MFAP5: variants seen among roughly 807,000 people sequenced by gnomAD.
MFAP5 encodes the protein microfibril associated protein 5, also known as microfibrillar-associated protein 5.
A neutral mutation model predicts 30.1 loss-of-function variants in MFAP5; 19 were observed. The ratio of observed to expected loss-of-function variants is 0.63; its 90% CI spans 0.44 to 0.93. The LOEUF is 0.93. Ranked by LOEUF, MFAP5 falls within the 40% of genes least tolerant of loss-of-function variation. MFAP5 has a pLI of 0.00. For synonymous variants in MFAP5, 92 were observed against 72.9 expected, an observed-to-expected ratio of 1.26 and a Z score of -1.33; for missense variants, 210 against 221.3, an observed-to-expected ratio of 0.95 and a Z score of 0.32.
intron 6 of MFAP5, 173 bp from the exon 7 acceptor site, chr12:8,651,864 C>T (rs770107344): frequency 3.3e-6 from 2 of 611,660 alleles, no homozygotes; most frequent in Non-Finnish European, 5.8e-6. Context: ...ATTTGCTCCA[C>T]AAAATTGAAG....
chr12:8,662,156 A>G lies in MFAP5; in HGVS notation c.-2-50T>C, dbSNP rs375462666. 51 of 1,520,466 alleles carry G rather than the reference A, an allele frequency of 3.4e-5. 1 individual carries two copies. Among genetic ancestry groups the G allele is most frequent in the Non-Finnish European group, 3.7e-5 (41 of 1,103,994 alleles). The allele number at this position is 1,520,466 out of a possible 1,614,324, so 94.2% of individuals were successfully genotyped here. On this transcript the variant is annotated intron_variant, in intron 1 of 9. Coordinates refer to ENST00000359478, the MANE Select transcript of MFAP5 (RefSeq NM_003480.4). ...AGAATGTGATGCTCAGAGGCACATC[A>G]GCATTTCAGTGCCAGGGAAAGATGC... is the stretch of plus-strand genomic sequence containing the variant.
rs35916052 is a variant in MFAP5, at chr12:8,657,566, C to CTT, written c.95-1738_95-1737dup. The stretch of plus-strand genomic sequence containing the variant: ...AGCAAATTCACATAGTTTGCTTTGA[C>CTT]TTTTTTTTTTTTTTTTTTTTTGAGA... On this transcript the variant is annotated intron_variant, in intron 3 of 9. Transcript: ENST00000359478. Among the ~76,000 whole-genome samples, 139 of 128,116 alleles carry CTT rather than the reference C, an allele frequency of 1.1e-3. 1 individual carries two copies. Among genetic ancestry groups the CTT allele is most frequent in the African/African-American group, 2.2e-3 (73 of 32,716 alleles). 84.0% of individuals were successfully genotyped at this position (128,116 alleles called of 152,430 possible).
intron 5 of MFAP5, 144 bp from the exon 6 acceptor site, chr12:8,654,625 T>G: frequency 3.0e-6 from 2 of 664,108 alleles, no homozygotes; most frequent in Non-Finnish European, 4.9e-6. Flanking sequence ...ATAGAATTAA[T>G]TAAATAATTA....
chr12:8,653,192 CAAAAAAA>C (rs71451973), intron 6 of MFAP5, among the ~76,000 whole-genome samples: 33 of 111,016 alleles, frequency 3.0e-4, no homozygotes, highest in African/African-American at 6.4e-4. Flanking sequence ...GACTCTGTGT[CAAAAAAA>C]AAAAAAAAGA....
At chr12:8,656,059 C>CTTT (rs11359613) in intron 3 of MFAP5, among the ~76,000 whole-genome samples, 1,498 of 113,832 alleles carry the variant, frequency 0.013, 33 homozygotes, top group African/African-American at 0.037. Flanking sequence ...ATTCATAATT[C>CTTT]TTTTTTTTTT....
chr12:8,650,628 T>G, intron 7 of MFAP5, 39 bp from the exon 8 acceptor site: 1 of 1,542,402 alleles, frequency 6.5e-7, no homozygotes, highest in Non-Finnish European at 9.0e-7. Context: ...GAGGTCCAAA[T>G]AGAAGCAGCA....
rs1464656353 is a variant in MFAP5 at position 8,655,413 on chromosome 12, AC to A, written c.172+1del. 3.4e-5 allele frequency: 54 copies of A among 1,598,792 alleles called. No individual in the cohort carries two copies. Among genetic ancestry groups the A allele is most frequent in the Non-Finnish European group, 4.5e-5 (53 of 1,173,728 alleles). ...TTTTTTTTTAACTGCGGTAAAATTT[AC>A]CTGTTTCATCTGTAGCGGGATCATT... On this transcript the variant is annotated splice_donor_variant, in intron 5 of 9. Coordinates refer to ENST00000359478, the MANE Select transcript of MFAP5 (RefSeq NM_003480.4). LOFTEE classifies it high-confidence loss of function.
At chr12:8,655,893 CAG>C in intron 3 of MFAP5, 63 bp from the exon 4 acceptor site, 1 of 1,459,748 alleles carries the variant, frequency 6.9e-7, no homozygotes, top group South Asian at 1.1e-5. Context: ...CTTGCACTTC[CAG>C]TAAGTTAAAT....
In MFAP5 at chr12:8,654,456, T is replaced by C; in HGVS notation, c.198A>G (p.Ala66=). The part of the protein sequence containing the change: ...ETVLAVLADI[A]PSTDDLASLS... ...ACTCACCCAAGTCATCTGTGGAAGG[T>C]GCAATATCAGCCAAAACAGCCAAAA... The change falls in exon 6 of 10, where the codon GCA becomes GCG. Residue 66 remains alanine (A), a synonymous_variant. Coordinates refer to ENST00000359478, the MANE Select transcript of MFAP5 (RefSeq NM_003480.4). The C allele has an allele frequency of 1.2e-6, 2 of 1,603,524 alleles. No homozygotes were observed. The highest frequency in any genetic ancestry group is 1.1e-5 in the South Asian group (1 of 88,670).
chr12:8,657,710 C>CT (rs59840167), intron 3 of MFAP5, among the ~76,000 whole-genome samples: 16,476 of 151,116 alleles, frequency 0.11, 1,067 homozygotes, highest in African/African-American at 0.18. Flanking sequence ...GTGGCTGGGA[C>CT]ACAGGCATGT....
At chr12:8,655,650 G>A (rs1310799842) in intron 4 of MFAP5, 136 bp downstream of exon 4, 2 of 1,077,288 alleles carry the variant, frequency 1.9e-6, no homozygotes, top group African/African-American at 3.2e-5. Flanking sequence ...GGCATCTAAG[G>A]TGACAACAGA....
At chr12:8,662,306 C>T (rs1942176648) in intron 1 of MFAP5, 200 bp from the exon 2 acceptor site, 6 of 569,674 alleles carry the variant, frequency 1.1e-5, no homozygotes, top group Non-Finnish European at 1.5e-5. Flanking sequence ...ATTCCTTGGT[C>T]ACTTACCATT....
intron 5 of MFAP5, among the ~76,000 whole-genome samples, chr12:8,654,991 C>T (rs949580719): frequency 1.3e-5 from 2 of 150,838 alleles, no homozygotes; most frequent in African/African-American, 4.9e-5. Context: ...CTCTCACAAC[C>T]TCAGTATCCA....
chr12:8,654,450 G>A lies in MFAP5; in HGVS notation c.204C>T (p.Ser68=). The stretch of plus-strand genomic sequence containing the variant: ...ATCTGAACTCACCCAAGTCATCTGT[G>A]GAAGGTGCAATATCAGCCAAAACAG... The part of the protein sequence containing the change: ...VLAVLADIAP[S]TDDLASLSEK... The change falls in exon 6 of 10, where the codon TCC becomes TCT. Residue 68 remains serine, a synonymous_variant. Transcript: ENST00000359478. 1 of 1,603,312 alleles carries A rather than the reference G, an allele frequency of 6.2e-7. No homozygotes were observed. Among genetic ancestry groups the A allele is most frequent in the Non-Finnish European group, 8.5e-7 (1 of 1,175,032 alleles).
In MFAP5 at chr12:8,650,706, A is replaced by G. The variant is rs1418831879; in HGVS notation, c.248-117T>C. ...GAAAAAAATACAGAGTAATCTCTAC[A>G]GAGAATCATTATAAATTGGGCTACA... On this transcript the variant is annotated intron_variant, in intron 7 of 9. Coordinates refer to ENST00000359478, the MANE Select transcript of MFAP5 (RefSeq NM_003480.4). The G allele has an allele frequency of 9.7e-6, 8 of 820,904 alleles. No individual in the cohort carries two copies. In the East Asian group the frequency reaches 2.1e-4, roughly 22 times the overall value. 50.9% of individuals were successfully genotyped at this position (820,904 alleles called of 1,614,324 possible).
chr12:8,655,384 C>A (rs1408787323), intron 5 of MFAP5, 31 bp downstream of exon 5: 2 of 1,546,306 alleles, frequency 1.3e-6, no homozygotes, highest in Non-Finnish European at 1.8e-6. Context: ...AAGAACCATG[C>A]CATTTTTTTT....
At chr12:8,651,787 C>G (rs1025151415) in intron 6 of MFAP5, 96 bp from the exon 7 acceptor site, 1 of 1,099,812 alleles carries the variant, frequency 9.1e-7, no homozygotes, top group East Asian at 2.4e-5. Flanking sequence ...CTTGGAGTGC[C>G]CATAAATAGG....
chr12:8,660,924 TGTGA>T (rs1565529298), intron 2 of MFAP5, 26 bp from the exon 3 acceptor site: 2 of 1,596,142 alleles, frequency 1.3e-6, no homozygotes, highest in Non-Finnish European at 1.7e-6. Context: ...AGAAAAGAGA[TGTGA>T]GTGACTGCAG....
Position 8,662,084 on chromosome 12 carries a change from C to T in MFAP5, c.21G>A (p.Lys7=). The T allele has an allele frequency of 6.2e-7, 1 of 1,613,768 alleles. No homozygotes were observed. Among genetic ancestry groups the T allele is most frequent in the East Asian group, 2.2e-5 (1 of 44,882 alleles). ...TGAATGCAGCAAGAAACAGCAGCACCTTGGGTCCCAAGAGCGACATATCTA... is the reference window on the plus strand; with the variant it reads ...TGAATGCAGCAAGAAACAGCAGCACTTTGGGTCCCAAGAGCGACATATCTA... MSLLGP[K]VLLFLAAFII... is the part of the protein sequence containing the mutation. The change falls in exon 2 of 10, where the codon AAG becomes AAA. Residue 7 remains lysine (K), a synonymous_variant. Transcript: ENST00000359478.
Sources: allele counts gnomAD v4.1 joint callset (sites outside exome capture counted in the v4.1 genomes callset), GRCh38; gene constraint gnomAD v4.1.1; transcripts MANE v1.5; gene names NCBI Gene and HGNC (gene_info 2026-07-23, HGNC 2026-07-21).